Variants in MMD2 observed in about 807,000 individuals in gnomAD.
MMD2 encodes monocyte to macrophage differentiation factor 2.
In MMD2, 30 loss-of-function variants were observed where a neutral mutation model predicts 33.5. The ratio of observed to expected loss-of-function variants is 0.90; its 90% CI spans 0.67 to 1.22. The LOEUF is 1.22. Ranked by LOEUF, MMD2 falls within the 50% of genes most tolerant of loss-of-function variation. MMD2 has a pLI of 0.00. For synonymous variants in MMD2, 129 were observed against 123.0 expected (o/e 1.05, Z -0.32); for missense variants, 364 against 325.4 (o/e 1.12, Z -0.91).
chr7:4,913,766 A>G (rs56671906), intron 4 of MMD2, among the ~76,000 whole-genome samples: 88,429 of 141,238 alleles, frequency 0.63, 28,025 homozygotes, highest in African/African-American at 0.72. Context: ...TTTTCAAGCC[A>G]TTCTCCTGCC....
the MMD2 span, among the ~76,000 whole-genome samples, chr7:4,899,932 C>G: frequency 6.6e-6 from 1 of 152,122 alleles, no homozygotes; most frequent in African/African-American, 2.4e-5. Context: ...ATTGAAAGTC[C>G]ATCAGGAAGC....
intron 1 of MMD2, among the ~76,000 whole-genome samples, chr7:4,928,185 C>T (rs1460939482): frequency 1.3e-5 from 2 of 152,192 alleles, no homozygotes; most frequent in Non-Finnish European, 2.9e-5. Context: ...AAAAACTTTC[C>T]CCTCAGGTCC....
rs1198381639 is a variant in MMD2, at chr7:4,940,048, A to G, written c.48-14516T>C. 1.3e-5 allele frequency among the ~76,000 whole-genome samples: 2 copies of G among 151,996 alleles called. No individual in the cohort carries two copies. The highest frequency in any genetic ancestry group is 4.8e-5 in the African/African-American group (2 of 41,392). ...TGAGCCACCGCACCTGGCCCAATCT[A>G]TTTCTATAAATTTCAAGAACAGGCA... On this transcript the variant is annotated intron_variant, in intron 1 of 6. Coordinates refer to ENST00000401401, the MANE Select transcript of MMD2 (RefSeq NM_198403.4). The surrounding 1 kb of genome is among the most constrained non-coding windows in gnomAD (Gnocchi z 5.0).
At chr7:4,900,677 T>A in the MMD2 span, among the ~76,000 whole-genome samples, 2 of 151,998 alleles carry the variant, frequency 1.3e-5, no homozygotes, top group Non-Finnish European at 2.9e-5. Flanking sequence ...ACCCTCCTCA[T>A]GTAAAGTGCT....
At chr7:4,912,818 G>A (rs1785049317) in intron 4 of MMD2, among the ~76,000 whole-genome samples, 1 of 151,918 alleles carries the variant, frequency 6.6e-6, no homozygotes, top group Non-Finnish European at 1.5e-5. Flanking sequence ...TGATTCTCCT[G>A]CCTCAGCCTC....
At chr7:4,898,714 C>T in the MMD2 span, among the ~76,000 whole-genome samples, 3 of 152,182 alleles carry the variant, frequency 2.0e-5, no homozygotes, top group Non-Finnish European at 2.9e-5. Context: ...AGCTGGCCAA[C>T]ATGGCGAAAC....
At chr7:4,911,365 C>T (rs916967020) in intron 4 of MMD2, 119 bp from the exon 5 acceptor site, 10 of 720,564 alleles carry the variant, frequency 1.4e-5, no homozygotes, top group African/African-American at 8.9e-5. Flanking sequence ...TGTGACTCCA[C>T]GGCTGGGACA....
At position 4,911,259 on chromosome 7, in the gene MMD2, G is replaced by C; in HGVS notation, c.366-13C>G. The C allele has an allele frequency of 1.3e-6, 2 of 1,569,362 alleles. No individual in the cohort carries two copies. The highest frequency in any genetic ancestry group is 1.7e-6 in the Non-Finnish European group (2 of 1,157,404). On this transcript the variant is annotated splice_polypyrimidine_tract_variant and intron_variant, in intron 4 of 6. Transcript: ENST00000401401. ...CCGAAGGTTCAGCCTGGGAGAGAAA[G>C]AGCCAAGGCCATGGCCCTGAGGGGG...
At chr7:4,899,507 C>T in the MMD2 span, among the ~76,000 whole-genome samples, 2 of 152,004 alleles carry the variant, frequency 1.3e-5, no homozygotes. Context: ...CTTGCCTCAG[C>T]CTCCCGCGTA....
chr7:4,896,245 T>G, the MMD2 span, among the ~76,000 whole-genome samples: 1 of 151,898 alleles, frequency 6.6e-6, no homozygotes, highest in South Asian at 2.1e-4. Flanking sequence ...TTTGGGAGGC[T>G]GAGGCGGGTG....
chr7:4,947,751 GCA>G (rs1562495256), intron 1 of MMD2, among the ~76,000 whole-genome samples: 1 of 132,750 alleles, frequency 7.5e-6, no homozygotes, highest in Non-Finnish European at 1.6e-5. Context: ...CCAGGCTGGA[GCA>G]CAGTGGTGCG....
rs1012856163 is a variant in MMD2, at chr7:4,930,909, G to A, written c.48-5377C>T. ...TCTATCACCCAGGCTGGAGTGCAGT[G>A]GCGCGATCTCGGCTGACTGCAACCT... On this transcript the variant is annotated intron_variant, in intron 1 of 6. Coordinates refer to ENST00000401401, the MANE Select transcript of MMD2 (RefSeq NM_198403.4). 2.6e-5 allele frequency among the ~76,000 whole-genome samples: 4 copies of A among 152,210 alleles called. No homozygotes were observed. In the South Asian group the frequency reaches 8.3e-4, roughly 32 times the overall value.
At chr7:4,942,996 G>GC in intron 1 of MMD2, among the ~76,000 whole-genome samples, 1 of 138,540 alleles carries the variant, frequency 7.2e-6, no homozygotes, top group East Asian at 2.2e-4. Flanking sequence ...AGGAGGTCCT[G>GC]CCCTTTTCTT....
chr7:4,946,218 T>C lies in MMD2; in HGVS notation c.47+12753A>G, dbSNP rs952624236. 1.4e-5 allele frequency among the ~76,000 whole-genome samples: 2 copies of C among 147,566 alleles called. No individual in the cohort carries two copies. The highest frequency in any genetic ancestry group is 3.0e-5 in the Non-Finnish European group (2 of 66,752). The stretch of plus-strand genomic sequence containing the variant: ...ACCCACACACACGCATGCACACACA[T>C]GCACACATACACGCACACACACGCA... On this transcript the variant is annotated intron_variant, in intron 1 of 6. Transcript: ENST00000401401. The surrounding 1 kb of genome is among the most constrained non-coding windows in gnomAD (Gnocchi z 5.0).
At chr7:4,918,914 A>T (rs1028234322) in intron 3 of MMD2, among the ~76,000 whole-genome samples, 1 of 152,042 alleles carries the variant, frequency 6.6e-6, no homozygotes, top group African/African-American at 2.4e-5. Flanking sequence ...CCTGGGCAAC[A>T]TGATGAAACC....
intron 1 of MMD2, among the ~76,000 whole-genome samples, chr7:4,935,225 C>T (rs1245116502): frequency 4.0e-5 from 6 of 151,866 alleles, no homozygotes; most frequent in South Asian, 2.1e-4. Context: ...TGGTGGGGCA[C>T]GACTGTAGTC....
At chr7:4,950,392 C>T (rs1412463507) in intron 1 of MMD2, among the ~76,000 whole-genome samples, 3 of 152,164 alleles carry the variant, frequency 2.0e-5, no homozygotes, top group Non-Finnish European at 2.9e-5. Context: ...GCCACTGCAC[C>T]CAGCCCCACA....
At chr7:4,919,875 T>G (rs982524951) in intron 3 of MMD2, among the ~76,000 whole-genome samples, 21 of 152,104 alleles carry the variant, frequency 1.4e-4, no homozygotes, top group African/African-American at 5.1e-4. Context: ...CTGCCTGGGC[T>G]ACAGAGTGAG....
At chr7:4,935,753 T>C (rs1477268580) in intron 1 of MMD2, among the ~76,000 whole-genome samples, 2 of 151,214 alleles carry the variant, frequency 1.3e-5, no homozygotes, top group African/African-American at 2.4e-5. Flanking sequence ...CATTGTGGAG[T>C]GGTTCCAATG....
Sources: gnomAD v4.1 joint callset for allele counts (sites outside exome capture counted in the v4.1 genomes callset) on GRCh38, gnomAD v4.1.1 for gene constraint, Gnocchi (gnomAD v3.1) non-coding constraint, MANE v1.5 for transcripts, NCBI Gene and HGNC (gene_info 2026-07-23, HGNC 2026-07-21) for gene names.